CFAP61: variants seen among roughly 807,000 people sequenced by gnomAD.
The protein encoded by CFAP61 is cilia- and flagella-associated protein 61.
Under a neutral mutation model 135.6 loss-of-function variants are expected in CFAP61, and 107 were observed. The observed-to-expected ratio is 0.79, with a 90% CI of 0.67 to 0.93. The LOEUF (loss-of-function observed/expected upper bound fraction) is 0.93. Ranked by LOEUF, CFAP61 falls within the 40% of genes least tolerant of loss-of-function variation. The pLI, the probability that CFAP61 is intolerant of heterozygous loss-of-function variation, is 0.00. For missense variants in CFAP61, 1,507 were observed against 1,556.2 expected (o/e 0.97, Z 0.53); for synonymous variants, 575 against 578.5 (o/e 0.99, Z 0.09).
chr20:20,323,227 A>G (rs1054190050), intron 25 of CFAP61: 2 of 985,334 alleles, frequency 2.0e-6, no homozygotes, highest in African/African-American at 3.5e-5. Context: ...CATGGGCATG[A>G]AAGGCACTGG....
chr20:20,270,633 C>T (rs1330804977), intron 21 of CFAP61, among the ~76,000 whole-genome samples: 1 of 151,774 alleles, frequency 6.6e-6, no homozygotes, highest in Non-Finnish European at 1.5e-5. Flanking sequence ...ATTTTTCCCC[C>T]TTGATTAACA....
At chr20:20,353,689 C>T (rs1470005849) in intron 26 of CFAP61, among the ~76,000 whole-genome samples, 1 of 152,068 alleles carries the variant, frequency 6.6e-6, no homozygotes, top group African/African-American at 2.4e-5. Flanking sequence ...TTACAGTTTC[C>T]AGGAAGCTAC....
At chr20:20,327,583 C>A (rs2057798427) in intron 25 of CFAP61, among the ~76,000 whole-genome samples, 2 of 151,886 alleles carry the variant, frequency 1.3e-5, no homozygotes, top group Admixed American at 1.3e-4. Context: ...GGGCTAAGGT[C>A]ACATGTTTGT....
At chr20:20,342,921 C>T (rs976753137) in intron 26 of CFAP61, among the ~76,000 whole-genome samples, 6 of 151,574 alleles carry the variant, frequency 4.0e-5, no homozygotes, top group African/African-American at 1.5e-4. Flanking sequence ...AGTGCAATGG[C>T]GTGATCTCAG....
intron 25 of CFAP61, among the ~76,000 whole-genome samples, chr20:20,321,209 T>C (rs1207141141): frequency 6.6e-6 from 1 of 152,138 alleles, no homozygotes; most frequent in Non-Finnish European, 1.5e-5. Flanking sequence ...TAAAACTTCA[T>C]TTATCATAAC....
At chr20:20,309,324 A>G (rs1384185823) in intron 25 of CFAP61, among the ~76,000 whole-genome samples, 1 of 152,204 alleles carries the variant, frequency 6.6e-6, no homozygotes, top group Non-Finnish European at 1.5e-5. Context: ...ACCTAATCCC[A>G]CCACCCAGAA....
chr20:20,235,146 G>T, intron 18 of CFAP61, among the ~76,000 whole-genome samples: 1 of 152,098 alleles, frequency 6.6e-6, no homozygotes, highest in Non-Finnish European at 1.5e-5. Flanking sequence ...TCTGACTCCT[G>T]GTGAGACGTT....
Position 20,070,834 on chromosome 20 carries a change from A to C in CFAP61, c.144-20A>C, listed in dbSNP as rs1272674356. The C allele has an allele frequency of 3.7e-6, 6 of 1,604,396 alleles. No individual in the cohort carries two copies. In the African/African-American group the frequency reaches 5.4e-5, roughly 14 times the overall value. On this transcript the variant is annotated intron_variant, in intron 2 of 26. Transcript: ENST00000245957. ...TTTTTGTAATCTTATTCATGTTTGC[A>C]ATTGTAATCATTTCTGCAGAGAAAA...
At chr20:20,307,296 A>G (rs773805440) in intron 25 of CFAP61, among the ~76,000 whole-genome samples, 6 of 152,222 alleles carry the variant, frequency 3.9e-5, no homozygotes, top group Non-Finnish European at 7.3e-5. Context: ...AAGCCATTTA[A>G]TCTCATTGAG....
intron 21 of CFAP61, among the ~76,000 whole-genome samples, chr20:20,274,114 A>T (rs1005908892): frequency 6.6e-6 from 1 of 152,176 alleles, no homozygotes; most frequent in Non-Finnish European, 1.5e-5. Context: ...ACAACATTAT[A>T]TATGGGCATT....
At chr20:20,345,164 A>G (rs959573030) in intron 26 of CFAP61, among the ~76,000 whole-genome samples, 6 of 152,228 alleles carry the variant, frequency 3.9e-5, no homozygotes, top group African/African-American at 1.4e-4. Context: ...ACAGTTAGAT[A>G]GGATGAATAA....
At chr20:20,343,292 C>T (rs1214529620) in intron 26 of CFAP61, among the ~76,000 whole-genome samples, 4 of 152,210 alleles carry the variant, frequency 2.6e-5, no homozygotes, top group African/African-American at 7.2e-5. Flanking sequence ...CTCCTCAGTG[C>T]CCCCACTTTT....
At chr20:20,212,630 C>T (rs1327763332) in intron 17 of CFAP61, among the ~76,000 whole-genome samples, 1 of 152,124 alleles carries the variant, frequency 6.6e-6, no homozygotes, top group Non-Finnish European at 1.5e-5. Context: ...GGCTTTTGTA[C>T]CTGCTTTTCA....
intron 25 of CFAP61, among the ~76,000 whole-genome samples, chr20:20,324,410 A>G (rs907618781): frequency 6.6e-6 from 1 of 152,190 alleles, no homozygotes; most frequent in Non-Finnish European, 1.5e-5. Context: ...CTGTATAAAT[A>G]TTGAAGTTCT....
intron 21 of CFAP61, among the ~76,000 whole-genome samples, chr20:20,269,413 C>A (rs1409191792): frequency 6.6e-6 from 1 of 151,780 alleles, no homozygotes; most frequent in Non-Finnish European, 1.5e-5. Flanking sequence ...GCTCTGCCAT[C>A]CAGGCTGGAG....
Position 20,251,749 on chromosome 20 carries a change from G to C in CFAP61, c.2314G>C (p.Gly772Arg). ...VPYDHLILCTGQQYQVPCPTE... is the reference protein window; with the variant it reads ...VPYDHLILCTRQQYQVPCPTE... ...CTACGACCACCTCATCCTCTGCACC[G>C]GGCAGCAGTACCAGGTAAGGCCGGG... The change falls in exon 20 of 27, where the codon GGG becomes CGG. Residue 772 changes from glycine to arginine, a missense_variant. Physicochemically the swap from Gly to Arg is moderately radical, Grantham distance 125. Coordinates refer to ENST00000245957, the MANE Select transcript of CFAP61 (RefSeq NM_015585.4). The C allele has an allele frequency of 6.2e-7, 1 of 1,613,642 alleles. No homozygotes were observed. Among genetic ancestry groups the C allele is most frequent in the Non-Finnish European group, 8.5e-7 (1 of 1,180,022 alleles).
At chr20:20,205,102 G>A (rs922020108) in intron 17 of CFAP61, among the ~76,000 whole-genome samples, 1 of 151,926 alleles carries the variant, frequency 6.6e-6, no homozygotes, top group African/African-American at 2.4e-5. Context: ...TCTATTATAT[G>A]AATAGTATAT....
intron 1 of CFAP61, among the ~76,000 whole-genome samples, chr20:20,054,005 TTTTG>T (rs1178353605): frequency 0.02 from 2,232 of 112,694 alleles, 11 homozygotes; most frequent in Non-Finnish European, 0.029. Context: ...TGTGTGTTTT[TTTTG>T]TTTGTTTTTT....
At chr20:20,298,063 C>A in intron 24 of CFAP61, 118 bp from the exon 25 acceptor site, 2 of 689,270 alleles carry the variant, frequency 2.9e-6, no homozygotes, top group Non-Finnish European at 5.0e-6. Flanking sequence ...CTGTTATTTG[C>A]AAAGAGGGAT....
Sources: allele counts gnomAD v4.1 joint callset (sites outside exome capture counted in the v4.1 genomes callset), GRCh38; gene constraint gnomAD v4.1.1; transcripts MANE v1.5; gene names NCBI Gene and HGNC (gene_info 2026-07-23, HGNC 2026-07-21).